FRMPD3: variants seen among roughly 807,000 people sequenced by gnomAD.
FRMPD3 encodes the protein FERM and PDZ domain-containing protein 3.
In FRMPD3, 42 loss-of-function variants were observed where a neutral mutation model predicts 97.9. That is an observed-to-expected ratio of 0.43 (90% CI 0.34 to 0.55). FRMPD3 has a LOEUF of 0.55. Among genes scored for constraint, FRMPD3 ranks in the 20% least tolerant of loss-of-function variants. The probability of loss-of-function intolerance (pLI) is 0.03; values close to 1 mark genes in which losing one functional copy is unlikely to be tolerated. For synonymous variants in FRMPD3, 577 were observed against 581.1 expected, an observed-to-expected ratio of 0.99 and a Z score of 0.10; for missense variants, 1,303 against 1,457.7, an observed-to-expected ratio of 0.89 and a Z score of 1.73.
chrX:107,492,088 T>G (rs1230324969), intron 1 of FRMPD3, among the ~76,000 whole-genome samples: 1 of 111,671 alleles, frequency 9.0e-6, no homozygotes. Context: ...ATACCTCCTT[T>G]GAAAATGCCA....
intron 14 of FRMPD3, among the ~76,000 whole-genome samples, chrX:107,599,063 A>C (rs1197925547): frequency 4.5e-5 from 5 of 111,325 alleles, no homozygotes; most frequent in Non-Finnish European, 5.7e-5. Context: ...ACTTGAGGTC[A>C]GGAGTTCGAG....
At chrX:107,451,056 G>A (rs1931279478) in intron 1 of FRMPD3, among the ~76,000 whole-genome samples, 1 of 111,472 alleles carries the variant, frequency 9.0e-6, no homozygotes, top group South Asian at 3.8e-4. Context: ...CCACTGCAGG[G>A]GCAAATGTTT....
chrX:107,496,461 A>C (rs1330498890), intron 1 of FRMPD3, among the ~76,000 whole-genome samples: 1 of 112,236 alleles, frequency 8.9e-6, no homozygotes, highest in African/African-American at 3.2e-5. Flanking sequence ...CAGCAGCTGC[A>C]TGGGAGGCCT....
chrX:107,581,358 A>T (rs1158564095), intron 13 of FRMPD3, among the ~76,000 whole-genome samples: 3 of 109,588 alleles, frequency 2.7e-5, no homozygotes, highest in African/African-American at 1.0e-4. Flanking sequence ...TGATCCGCCC[A>T]CCTCGGCCTC....
Position 107,493,743 on chromosome X carries a change from C to T in FRMPD3, c.-7-32839C>T, listed in dbSNP as rs761504605. On this transcript the variant is annotated intron_variant, in intron 1 of 14. Coordinates refer to ENST00000683843, the MANE Select transcript of FRMPD3 (RefSeq NM_001388459.1). ...TTCAAGTGTGTTGCTGCATTGCATT[C>T]ATAAATATGATTTTTATTAAGTCTC... Among the ~76,000 whole-genome samples the T allele has an allele frequency of 2.7e-5, 3 of 112,062 alleles. No homozygotes were observed. In the East Asian group the frequency reaches 8.3e-4, roughly 31 times the overall value.
Position 107,555,976 on chromosome X carries a change from G to A in FRMPD3, c.762+1472G>A, listed in dbSNP as rs745529809. ...ATGGATAGGCTTTAACTTAACAAGTGTCTTGTAGAGGTGGTATCATTCCCC... is the reference window on the plus strand; with the variant it reads ...ATGGATAGGCTTTAACTTAACAAGTATCTTGTAGAGGTGGTATCATTCCCC... On this transcript the variant is annotated intron_variant, in intron 8 of 14. Transcript: ENST00000683843. Among the ~76,000 whole-genome samples the A allele has an allele frequency of 2.7e-5, 3 of 111,708 alleles. No individual in the cohort carries two copies. The East Asian group carries it at 8.4e-4, about 31-fold the overall frequency.
intron 1 of FRMPD3, among the ~76,000 whole-genome samples, chrX:107,476,160 C>T (rs1326638319): frequency 8.9e-6 from 1 of 112,454 alleles, no homozygotes; most frequent in Non-Finnish European, 1.9e-5. Flanking sequence ...GCTGGGATTA[C>T]AGGCGTGAGC....
rs764808027 is a variant in FRMPD3, at chrX:107,597,402, C to T, written c.1523C>T (p.Thr508Ile). Reference sequence around the variant, plus strand: ...AGTAGTTATGTGGGCAGCGTGGGCACCAGCCCCAGGAAATCGAGCCGCTGC... The same window carrying T: ...AGTAGTTATGTGGGCAGCGTGGGCATCAGCCCCAGGAAATCGAGCCGCTGC... ...KESSYVGSVG[T>I]SPRKSSRCTP... The change falls in exon 14 of 15, where the codon ACC becomes ATC. Residue 508 changes from threonine to isoleucine, a missense_variant. Thr to Ile is a moderately conservative substitution (Grantham distance 89). Coordinates refer to ENST00000683843, the MANE Select transcript of FRMPD3 (RefSeq NM_001388459.1). 8.3e-7 allele frequency: 1 copy of T among 1,210,681 alleles called. No individual in the cohort carries two copies. Among genetic ancestry groups the T allele is most frequent in the Non-Finnish European group, 1.1e-6 (1 of 895,230 alleles).
At chrX:107,550,003 C>G (rs752250790) in intron 5 of FRMPD3, 46 bp from the exon 6 acceptor site, 1 of 878,671 alleles carries the variant, frequency 1.1e-6, no homozygotes, top group East Asian at 3.2e-5. Flanking sequence ...TTCCTACTTC[C>G]TTCTAAATGA....
At chrX:107,554,289 A>T in intron 7 of FRMPD3, 96 bp from the exon 8 acceptor site, 1 of 949,080 alleles carries the variant, frequency 1.1e-6, no homozygotes. Flanking sequence ...GCTCTGCCCC[A>T]AGCCCCACCT....
chrX:107,597,927 C>T lies in FRMPD3; in HGVS notation c.2048C>T (p.Pro683Leu). ...GACAACAGCTCTGATGAGGATGACC[C>T]CAAGCGCCGGGCTGTCCAGAGCCAG... Reference protein sequence around the residue: ...FRDNSSDEDDPKRRAVQSQEQ... With the variant: ...FRDNSSDEDDLKRRAVQSQEQ... The change falls in exon 14 of 15, where the codon CCC (proline) becomes CTC (leucine). Residue 683 changes from proline (P) to leucine (L), a missense_variant. Coordinates refer to ENST00000683843, the MANE Select transcript of FRMPD3 (RefSeq NM_001388459.1). 1 of 1,210,656 alleles carries T rather than the reference C, an allele frequency of 8.3e-7. No individual in the cohort carries two copies. Among genetic ancestry groups the T allele is most frequent in the Non-Finnish European group, 1.1e-6 (1 of 895,357 alleles).
intron 8 of FRMPD3, among the ~76,000 whole-genome samples, chrX:107,555,517 CTG>C (rs1419244141): frequency 1.8e-5 from 2 of 112,056 alleles, no homozygotes; most frequent in Non-Finnish European, 3.8e-5. Context: ...ATTCAGTACT[CTG>C]TGTTTTAACA....
intron 1 of FRMPD3, among the ~76,000 whole-genome samples, chrX:107,476,621 G>A (rs1921207513): frequency 8.9e-6 from 1 of 112,367 alleles, no homozygotes. Flanking sequence ...ACAGTGCCTG[G>A]CATTCAGTGA....
At chrX:107,454,852 A>T (rs1413260045) in intron 1 of FRMPD3, among the ~76,000 whole-genome samples, 19 of 108,920 alleles carry the variant, frequency 1.7e-4, no homozygotes, top group Admixed American at 1.7e-3. Context: ...AAATTGCTTG[A>T]GGGAACTTGT....
In FRMPD3 at chrX:107,600,608, C is replaced by A. The variant is rs767577186; in HGVS notation, c.2569C>A (p.Arg857=). Residue 857 remains arginine, a synonymous_variant, in exon 15 of 15, where the codon CGG becomes AGG. Transcript: ENST00000683843. ...TGQSPGPPGA[R]RKLPQSEGQV... The stretch of plus-strand genomic sequence containing the variant: ...CCAGAGTCCTGGCCCCCCTGGCGCT[C>A]GGAGGAAGCTGCCCCAGTCAGAGGG... The A allele has an allele frequency of 8.3e-7, 1 of 1,208,020 alleles. No individual in the cohort carries two copies. The highest frequency in any genetic ancestry group is 2.2e-5 in the Admixed American group (1 of 45,746).
At chrX:107,479,502 T>G (rs1184566285) in intron 1 of FRMPD3, among the ~76,000 whole-genome samples, 1 of 112,259 alleles carries the variant, frequency 8.9e-6, no homozygotes, top group Non-Finnish European at 1.9e-5. Context: ...GACAACTGGA[T>G]AGTAGATTGC....
intron 1 of FRMPD3, chrX:107,525,654 T>C (rs1209165404): frequency 1.8e-6 from 1 of 557,678 alleles, no homozygotes; most frequent in East Asian, 3.3e-5. Context: ...CTTTTCCAGG[T>C]GTCTCATTAA....
chrX:107,583,079 G>T (rs758764853), intron 13 of FRMPD3, among the ~76,000 whole-genome samples: 1 of 109,890 alleles, frequency 9.1e-6, no homozygotes, highest in Admixed American at 9.7e-5. Context: ...AATTTTGCAC[G>T]TCTTTTTTTT....
At chrX:107,539,863 C>T (rs767709394) in intron 4 of FRMPD3, among the ~76,000 whole-genome samples, 3 of 110,861 alleles carry the variant, frequency 2.7e-5, no homozygotes, top group Non-Finnish European at 5.7e-5. Flanking sequence ...AACAGGAGTA[C>T]TATAGGAAAT....
Sources: allele counts gnomAD v4.1 joint callset (sites outside exome capture counted in the v4.1 genomes callset), GRCh38; gene constraint gnomAD v4.1.1; transcripts MANE v1.5; gene names NCBI Gene and HGNC (gene_info 2026-07-23, HGNC 2026-07-21).